The following FOCAD variants were observed in gnomAD, a reference collection of about 807,000 sequenced individuals.
FOCAD encodes the protein focadhesin.
Under a neutral mutation model 225.6 loss-of-function variants are expected in FOCAD, and 198 were observed. That is an observed-to-expected ratio of 0.88 (90% CI 0.78 to 0.99). The LOEUF (loss-of-function observed/expected upper bound fraction) is 0.99. Among genes scored for constraint, FOCAD ranks in the 50% least tolerant of loss-of-function variants. The pLI is 0.00. For synonymous variants in FOCAD, 897 were observed against 755.0 expected (o/e 1.19, Z -3.08); for missense variants, 2,713 against 2,123.6 (o/e 1.28, Z -5.46).
chr9:20,852,175 T>C (rs1384200339), intron 15 of FOCAD, among the ~76,000 whole-genome samples: 1 of 151,828 alleles, frequency 6.6e-6, no homozygotes, highest in East Asian at 1.9e-4. Flanking sequence ...CCATTTTTGT[T>C]GTGAATCACT....
At chr9:20,898,592 C>T (rs542446701) in intron 21 of FOCAD, among the ~76,000 whole-genome samples, 32 of 151,940 alleles carry the variant, frequency 2.1e-4, no homozygotes, top group African/African-American at 7.7e-4. Context: ...GTTTTTATAT[C>T]TCTCTGCTTA....
intron 5 of FOCAD, among the ~76,000 whole-genome samples, chr9:20,742,843 G>T (rs1428574103): frequency 6.6e-6 from 1 of 152,184 alleles, no homozygotes; most frequent in African/African-American, 2.4e-5. Flanking sequence ...GAGAAGCTGA[G>T]AAGAATTGGA....
At chr9:20,820,905 T>G (rs777881832) in intron 13 of FOCAD, 36 bp from the exon 14 acceptor site, 1 of 1,601,532 alleles carries the variant, frequency 6.2e-7, no homozygotes, top group South Asian at 1.1e-5. Flanking sequence ...CAACTCAAGT[T>G]GGGAAACTAC....
At chr9:20,782,974 A>G in intron 10 of FOCAD, among the ~76,000 whole-genome samples, 1 of 152,222 alleles carries the variant, frequency 6.6e-6, no homozygotes, top group East Asian at 1.9e-4. Context: ...AAGTTCTTGC[A>G]TCAGCCCTAA....
At chr9:20,992,936 C>T (rs1267193229) in intron 42 of FOCAD, among the ~76,000 whole-genome samples, 1 of 151,582 alleles carries the variant, frequency 6.6e-6, no homozygotes, top group Non-Finnish European at 1.5e-5. Context: ...GCACTCCAGC[C>T]TGGTGACAGA....
At chr9:20,963,326 G>C (rs1012420353) in intron 35 of FOCAD, among the ~76,000 whole-genome samples, 3 of 152,154 alleles carry the variant, frequency 2.0e-5, no homozygotes, top group African/African-American at 7.2e-5. Flanking sequence ...GTGCAGTACT[G>C]GTGAAAGTTG....
chr9:20,783,604 G>A (rs889387034), intron 10 of FOCAD, among the ~76,000 whole-genome samples: 5 of 149,508 alleles, frequency 3.3e-5, no homozygotes, highest in African/African-American at 1.2e-4. Context: ...TTTTTGAGAC[G>A]GAGTCTCACT....
intron 21 of FOCAD, among the ~76,000 whole-genome samples, chr9:20,902,720 A>G (rs7849011): frequency 6.6e-6 from 1 of 151,568 alleles, no homozygotes; most frequent in Non-Finnish European, 1.5e-5. Flanking sequence ...GGACATATAT[A>G]TTAAATATTT....
At chr9:20,656,811 C>T (rs1464145433), upstream of FOCAD, among the ~76,000 whole-genome samples, 1 of 152,096 alleles carries the variant, frequency 6.6e-6, no homozygotes, top group Non-Finnish European at 1.5e-5. Flanking sequence ...TGAATTTGAT[C>T]CTGTCATTAT....
chr9:20,670,637 C>G (rs1822036700), intron 2 of FOCAD, among the ~76,000 whole-genome samples: 1 of 152,182 alleles, frequency 6.6e-6, no homozygotes, highest in Non-Finnish European at 1.5e-5. Flanking sequence ...AAGTCCCTCC[C>G]TTGACAGACA....
intron 39 of FOCAD, among the ~76,000 whole-genome samples, chr9:20,982,842 G>C (rs187713030): frequency 6.6e-6 from 1 of 152,310 alleles, no homozygotes; most frequent in Admixed American, 6.5e-5. Flanking sequence ...AAAGTTGCCA[G>C]ATTTAGCAAA....
chr9:20,791,506 CCTTT>C (rs982964951), intron 11 of FOCAD, among the ~76,000 whole-genome samples: 7 of 152,128 alleles, frequency 4.6e-5, no homozygotes, highest in Non-Finnish European at 8.8e-5. Flanking sequence ...CATTCAAAAT[CCTTT>C]CTTCTAGTTT....
At chr9:20,655,648 C>G (rs117370209), upstream of FOCAD, among the ~76,000 whole-genome samples, 897 of 152,198 alleles carry the variant, frequency 5.9e-3, 22 homozygotes, top group East Asian at 0.096. Flanking sequence ...TTTATTGTGT[C>G]TATTAAATTC....
At position 20,789,523 on chromosome 9, in the gene FOCAD, C is replaced by T. The variant is rs1261282872; in HGVS notation, c.1370C>T (p.Ala457Val). 2 of 1,613,878 alleles carry T rather than the reference C, an allele frequency of 1.2e-6. No individual in the cohort carries two copies. The highest frequency in any genetic ancestry group is 1.7e-6 in the Non-Finnish European group (2 of 1,180,004). The change falls in exon 11 of 44, where the codon GCT (alanine) becomes GTT (valine). Residue 457 changes from alanine (A) to valine (V), a missense_variant. Transcript: ENST00000338382. The stretch of plus-strand genomic sequence containing the variant: ...CCTGCGCCTGCCTTTCTTCTGCTGG[C>T]TCACCTCCTTGTTGAAGACAAAGGA... ...VIPAPAFLLL[A>V]HLLVEDKGQN...
At chr9:20,923,858 T>G (rs1834694804) in intron 25 of FOCAD, 90 bp downstream of exon 25, 1 of 953,112 alleles carries the variant, frequency 1.0e-6, no homozygotes, top group Admixed American at 2.1e-5. Flanking sequence ...CAAGGTTAGA[T>G]TCTGTGATTA....
At chr9:20,950,844 C>G in intron 33 of FOCAD, 152 bp from the exon 34 acceptor site, 1 of 647,644 alleles carries the variant, frequency 1.5e-6, no homozygotes, top group Non-Finnish European at 2.8e-6. Context: ...GTATAGCGTA[C>G]TAGACACATG....
chr9:20,845,371 G>A (rs977169258), intron 15 of FOCAD, among the ~76,000 whole-genome samples: 6 of 149,418 alleles, frequency 4.0e-5, no homozygotes, highest in Non-Finnish European at 8.9e-5. Flanking sequence ...TTTTAGAAAT[G>A]AGATTGTACT....
chr9:20,842,927 A>G (rs1189521784), intron 15 of FOCAD, among the ~76,000 whole-genome samples: 2 of 152,008 alleles, frequency 1.3e-5, no homozygotes, highest in African/African-American at 4.8e-5. Context: ...CGCAAATAAC[A>G]TCTTACAACC....
At chr9:20,727,606 C>G (rs1254376254) in intron 4 of FOCAD, among the ~76,000 whole-genome samples, 2 of 151,894 alleles carry the variant, frequency 1.3e-5, no homozygotes, top group Non-Finnish European at 2.9e-5. Flanking sequence ...CTTCTTGTCT[C>G]TGTTTATCTC....
Sources: allele counts gnomAD v4.1 joint callset (sites outside exome capture counted in the v4.1 genomes callset), GRCh38; gene constraint gnomAD v4.1.1; transcripts MANE v1.5; gene names NCBI Gene and HGNC (gene_info 2026-07-23, HGNC 2026-07-21).